Variants in GPR143 observed in about 807,000 individuals in gnomAD.
GPR143 encodes the protein G-protein coupled receptor 143.
A neutral mutation model predicts 27.6 loss-of-function variants in GPR143; 8 were observed. The observed-to-expected ratio is 0.29, with a 90% confidence interval of 0.17 to 0.52. GPR143 has a LOEUF of 0.52. Among genes scored for constraint, GPR143 ranks in the 20% least tolerant of loss-of-function variants. The probability of loss-of-function intolerance (pLI) is 0.96; values close to 1 mark genes in which losing one functional copy is unlikely to be tolerated. For missense variants in GPR143, 303 were observed against 343.1 expected, an observed-to-expected ratio of 0.88 and a Z score of 0.92; for synonymous variants, 156 against 153.2, an observed-to-expected ratio of 1.02 and a Z score of -0.13.
intron 1 of GPR143, among the ~76,000 whole-genome samples, chrX:9,773,285 T>G (rs1467334177): frequency 8.9e-6 from 1 of 111,838 alleles, no homozygotes; most frequent in Non-Finnish European, 1.9e-5. Flanking sequence ...CTTATCCTAT[T>G]TGGTGATATT....
chrX:9,760,456 T>G (rs1260133939), intron 2 of GPR143, among the ~76,000 whole-genome samples: 3 of 111,826 alleles, frequency 2.7e-5, no homozygotes, highest in Non-Finnish European at 3.8e-5. Flanking sequence ...GATTGATAAC[T>G]TTTTCTGTGC....
At chrX:9,778,276 C>T (rs1005166969) in intron 1 of GPR143, among the ~76,000 whole-genome samples, 51 of 111,728 alleles carry the variant, frequency 4.6e-4, no homozygotes, top group Admixed American at 1.3e-3. Flanking sequence ...ATTCTGGCCA[C>T]TCGTGTCCTC....
At chrX:9,756,181 A>G (rs1168131439) in intron 3 of GPR143, among the ~76,000 whole-genome samples, 2 of 112,160 alleles carry the variant, frequency 1.8e-5, no homozygotes, top group African/African-American at 6.5e-5. Flanking sequence ...TATTCAATAA[A>G]TGGTGCTGGG....
chrX:9,762,714 A>G (rs2083508619), intron 1 of GPR143, among the ~76,000 whole-genome samples: 1 of 111,804 alleles, frequency 8.9e-6, no homozygotes, highest in Non-Finnish European at 1.9e-5. Context: ...AACAAAAACA[A>G]TGCCTTTCTT....
chrX:9,753,288 G>A (rs1211739785), intron 3 of GPR143, among the ~76,000 whole-genome samples: 3 of 108,351 alleles, frequency 2.8e-5, no homozygotes, highest in African/African-American at 3.4e-5. Flanking sequence ...AACCTGGGAG[G>A]TGGAGGTTGC....
intron 3 of GPR143, among the ~76,000 whole-genome samples, chrX:9,758,278 T>C (rs891383433): frequency 1.8e-5 from 2 of 111,895 alleles, no homozygotes; most frequent in East Asian, 2.8e-4. Context: ...CTGTAACAGC[T>C]GATAGGTATC....
At chrX:9,737,899 C>T (rs1569117061) in intron 8 of GPR143, among the ~76,000 whole-genome samples, 5 of 111,006 alleles carry the variant, frequency 4.5e-5, no homozygotes. Flanking sequence ...ACTCAGGAGA[C>T]TCAGGTGGGA....
intron 1 of GPR143, among the ~76,000 whole-genome samples, chrX:9,764,755 G>C (rs748470104): frequency 2.7e-4 from 30 of 111,579 alleles, no homozygotes; most frequent in African/African-American, 9.4e-4. Context: ...GGCCGGGCGC[G>C]GTGGCTTACG....
chrX:9,773,502 CACACACACAT>C (rs978966969), intron 1 of GPR143, among the ~76,000 whole-genome samples: 11 of 110,627 alleles, frequency 9.9e-5, no homozygotes, highest in East Asian at 2.8e-4. Flanking sequence ...CACACACACA[CACACACACAT>C]AAACACACAC....
intron 8 of GPR143, among the ~76,000 whole-genome samples, chrX:9,732,741 T>C (rs769808619): frequency 1.8e-3 from 193 of 108,720 alleles, no homozygotes; most frequent in African/African-American, 6.3e-3. Flanking sequence ...TGTGCACCTG[T>C]AGTCCCAGCT....
At chrX:9,776,549 C>CT (rs145411367) in intron 1 of GPR143, among the ~76,000 whole-genome samples, 12,210 of 71,574 alleles carry the variant, frequency 0.17, 1,278 homozygotes, top group African/African-American at 0.24. Flanking sequence ...CCATGCCTAG[C>CT]TTTTTTTTTT....
Position 9,739,470 on chromosome X carries a change from C to A in GPR143, c.1120+15G>T, listed in dbSNP as rs368826221. 70 of 1,129,355 alleles carry A rather than the reference C, an allele frequency of 6.2e-5. No individual in the cohort carries two copies. In the African/African-American group the frequency reaches 9.5e-4, roughly 15 times the overall value. The allele number at this position is 1,129,355 out of a possible 1,213,427, so 93.1% of individuals were successfully genotyped here. A position where few individuals can be genotyped will look rare whatever the true frequency, so the allele number is the denominator to read the frequency against. On this transcript the variant is annotated intron_variant, in intron 8 of 8. Coordinates refer to ENST00000467482, the MANE Select transcript of GPR143 (RefSeq NM_000273.3). ...GGACCCCGAAGTCTACCTGCTGTGG[C>A]AGACAGGGCATTACCTTCAGACAGC...
upstream of GPR143, among the ~76,000 whole-genome samples, chrX:9,767,110 T>A (rs2083538043): frequency 9.0e-6 from 1 of 111,714 alleles, no homozygotes; most frequent in African/African-American, 3.3e-5. Flanking sequence ...AAAATCTTGC[T>A]TTATTCTATA....
intron 4 of GPR143, among the ~76,000 whole-genome samples, chrX:9,747,457 A>G (rs748032122): frequency 1.8e-5 from 2 of 111,329 alleles, no homozygotes; most frequent in East Asian, 2.8e-4. Context: ...CAGGCGAGGG[A>G]GAGTCACAGA....
intron 3 of GPR143, among the ~76,000 whole-genome samples, chrX:9,754,480 G>A (rs1241276167): frequency 9.0e-6 from 1 of 111,356 alleles, no homozygotes; most frequent in Non-Finnish European, 1.9e-5. Flanking sequence ...TGAGAGTGCA[G>A]AATCTCTGCA....
In GPR143 at chrX:9,725,844, G is replaced by C. The variant is rs1276157294; in HGVS notation, c.1121-4C>G. On this transcript the variant is annotated splice_polypyrimidine_tract_variant and splice_region_variant and intron_variant, in intron 8 of 8. Transcript: ENST00000467482. ...TCAATTGTGCTGGCATCAGAACCTG[G>C]AGAGGAAAAGACAAAAGACTGACTG... 3 of 1,204,935 alleles carry C rather than the reference G, an allele frequency of 2.5e-6. No individual in the cohort carries two copies. The highest frequency in any genetic ancestry group is 1.8e-5 in the South Asian group (1 of 55,770).
Position 9,741,342 on chromosome X carries a change from A to G in GPR143, c.881T>C (p.Ile294Thr). ...VRTAAKTTWF[I>T]MGILNPAQGF... ...ATAAAATATAGATTGACCTACCATA[A>G]TAAACCATGTGGTCTTGGCTGCAGT... is the stretch of plus-strand genomic sequence containing the variant. Residue 294 changes from isoleucine (I) to threonine (T), a missense_variant, in exon 7 of 9, where the codon ATT becomes ACT. Coordinates refer to ENST00000467482, the MANE Select transcript of GPR143 (RefSeq NM_000273.3). 1 of 880,359 alleles carries G rather than the reference A, an allele frequency of 1.1e-6. No individual in the cohort carries two copies. The highest frequency in any genetic ancestry group is 1.7e-6 in the Non-Finnish European group (1 of 599,646). The allele number at this position is 880,359 out of a possible 1,213,427, so 72.6% of individuals were successfully genotyped here.
intron 1 of GPR143, among the ~76,000 whole-genome samples, chrX:9,777,737 T>C (rs1326788723): frequency 9.2e-6 from 1 of 108,702 alleles, no homozygotes; most frequent in Non-Finnish European, 1.9e-5. Context: ...ATTATGTACA[T>C]GGCCTTTTTG....
At chrX:9,733,171 T>C (rs769554729) in intron 8 of GPR143, among the ~76,000 whole-genome samples, 3 of 110,947 alleles carry the variant, frequency 2.7e-5, no homozygotes, top group Non-Finnish European at 5.7e-5. Context: ...GCAAGGATTG[T>C]GGCAGACGAA....
Sources: gnomAD v4.1 joint callset for allele counts (sites outside exome capture counted in the v4.1 genomes callset) on GRCh38, gnomAD v4.1.1 for gene constraint, MANE v1.5 for transcripts, NCBI Gene and HGNC (gene_info 2026-07-23, HGNC 2026-07-21) for gene names.